The following TSPO variants were observed in gnomAD, a reference collection of about 807,000 sequenced individuals.
TSPO encodes the protein translocator protein, also known as benzodiazepine peripheral binding site.
TSPO carries 14 observed loss-of-function variants against 13.9 expected under a neutral mutation model. The ratio of observed to expected loss-of-function variants is 1.01; its 90% CI spans 0.67 to 1.58. TSPO has a LOEUF of 1.58. Ranked by LOEUF, TSPO falls within the 40% of genes most tolerant of loss-of-function variation. TSPO has a pLI of 0.00. For missense variants in TSPO, 232 were observed against 229.6 expected, an observed-to-expected ratio of 1.01 and a Z score of -0.07; for synonymous variants, 114 against 105.9, an observed-to-expected ratio of 1.08 and a Z score of -0.47.
intron 1 of TSPO, among the ~76,000 whole-genome samples, chr22:43,153,483 C>T (rs1444655863): frequency 1.2e-5 from 1 of 82,094 alleles, no homozygotes; most frequent in African/African-American, 3.8e-5. Context: ...TCCCGAGTAG[C>T]TGGGACTACA....
At chr22:43,157,327 G>T (rs779089811) in intron 1 of TSPO, among the ~76,000 whole-genome samples, 21 of 151,540 alleles carry the variant, frequency 1.4e-4, no homozygotes, top group Non-Finnish European at 1.6e-4. Context: ...AGGAGGGAGC[G>T]GGAGGGAGAA....
chr22:43,163,140 T>G lies in TSPO; in HGVS notation c.*149T>G. 6.8e-7 allele frequency: 1 copy of G among 1,470,392 alleles called. No homozygotes were observed. Among genetic ancestry groups the G allele is most frequent in the Non-Finnish European group, 9.0e-7 (1 of 1,112,678 alleles). 91.1% of individuals were successfully genotyped at this position (1,470,392 alleles called of 1,614,324 possible). On this transcript the variant is annotated 3_prime_UTR_variant, in exon 4 of 4. Transcript: ENST00000337554. ...GCAGAGCTTCAGAGGTGGCCCCACC[T>G]GAGCCCCCACCCGGGAGCAGTGTCC...
chr22:43,158,350 C>T (rs1317011877), intron 1 of TSPO, among the ~76,000 whole-genome samples: 1 of 152,246 alleles, frequency 6.6e-6, no homozygotes, highest in East Asian at 1.9e-4. Context: ...GGTCCTAGCC[C>T]TCGCCCCAGC....
In TSPO at chr22:43,163,132, G is replaced by GCCCCACCTGAGC. The variant is rs1569481270; in HGVS notation, c.*149_*160dup. ...AGGGGTCAGCAGAGCTTCAGAGGTG[G>GCCCCACCTGAGC]CCCCACCTGAGCCCCCACCCGGGAG... On this transcript the variant is annotated 3_prime_UTR_variant, in exon 4 of 4. Transcript: ENST00000337554. 6.8e-7 allele frequency: 1 copy of GCCCCACCTGAGC among 1,476,834 alleles called. No individual in the cohort carries two copies. The highest frequency in any genetic ancestry group is 1.4e-5 in the African/African-American group (1 of 71,382). 91.5% of individuals were successfully genotyped at this position (1,476,834 alleles called of 1,614,324 possible).
intron 1 of TSPO, among the ~76,000 whole-genome samples, chr22:43,158,699 T>C (rs1282367862): frequency 6.6e-6 from 1 of 152,134 alleles, no homozygotes; most frequent in Non-Finnish European, 1.5e-5. Flanking sequence ...GATATCCCAC[T>C]CTACCGAGGG....
chr22:43,154,011 G>A (rs1472006972), intron 1 of TSPO, among the ~76,000 whole-genome samples: 1 of 152,110 alleles, frequency 6.6e-6, no homozygotes, highest in African/African-American at 2.4e-5. Context: ...CGAAGGAAAG[G>A]GAAGTAGTCT....
At chr22:43,159,460 T>C in intron 2 of TSPO, 40 bp downstream of exon 2, 1 of 1,404,852 alleles carries the variant, frequency 7.1e-7, no homozygotes, top group Non-Finnish European at 9.3e-7. Context: ...AGCCTGGCCC[T>C]TTGCAAGGGG....
rs566547284 is a variant in TSPO at position 43,161,056 on chromosome 22, G to A, written c.187G>A (p.Gly63Ser). Residue 63 changes from glycine to serine, a missense_variant, in exon 3 of 4, where the codon GGC becomes AGC. Gly to Ser is a moderately conservative substitution (Grantham distance 56). Coordinates refer to ENST00000337554, the MANE Select transcript of TSPO (RefSeq NM_000714.6). Reference sequence around the variant, plus strand: ...GAACTGCGGCCTCTGTTTCAGGTACGGCTCCTACCTGGTCTGGAAAGAGCT... The same window carrying A: ...GAACTGCGGCCTCTGTTTCAGGTACAGCTCCTACCTGGTCTGGAAAGAGCT... ...WGTLYSAMGY[G>S]SYLVWKELGG... is the part of the protein sequence containing the mutation. The A allele has an allele frequency of 9.9e-6, 16 of 1,612,844 alleles. No individual in the cohort carries two copies. The highest frequency in any genetic ancestry group is 9.3e-5 in the African/African-American group (7 of 74,986).
Position 43,160,206 on chromosome 22 carries a change from T to G in TSPO, c.182+786T>G, listed in dbSNP as rs943414814. ...GCCCTGCCCAGCCAGGGTCCTGCACTTCCCTGGCTCCAGTGTCCCCACCCT... is the reference window on the plus strand; with the variant it reads ...GCCCTGCCCAGCCAGGGTCCTGCACGTCCCTGGCTCCAGTGTCCCCACCCT... On this transcript the variant is annotated intron_variant, in intron 2 of 3. Transcript: ENST00000337554. Among the ~76,000 whole-genome samples, 14 of 152,234 alleles carry G rather than the reference T, an allele frequency of 9.2e-5. No homozygotes were observed. The East Asian group carries it at 2.5e-3, about 27-fold the overall frequency.
At chr22:43,160,155 C>T (rs929230744) in intron 2 of TSPO, among the ~76,000 whole-genome samples, 2 of 152,170 alleles carry the variant, frequency 1.3e-5, no homozygotes, top group Admixed American at 6.5e-5. Context: ...TTGGGTGTCA[C>T]GTGGGCCTCA....
intron 3 of TSPO, among the ~76,000 whole-genome samples, chr22:43,162,368 C>T (rs1234098725): frequency 1.3e-5 from 2 of 151,906 alleles, no homozygotes; most frequent in East Asian, 1.9e-4. Context: ...GTGATCCACC[C>T]GTCTCAGCCT....
intron 1 of TSPO, among the ~76,000 whole-genome samples, chr22:43,154,337 CTTTTTTT>C (rs372982994): frequency 6.6e-6 from 1 of 150,946 alleles, no homozygotes; most frequent in Non-Finnish European, 1.5e-5. Context: ...GGGTCGCCTT[CTTTTTTT>C]TTGTTTGCTT....
intron 1 of TSPO, among the ~76,000 whole-genome samples, chr22:43,157,242 C>T (rs1254618367): frequency 2.0e-5 from 3 of 146,794 alleles, no homozygotes; most frequent in Non-Finnish European, 4.4e-5. Context: ...CCATCCCCAC[C>T]CCATGAGCAC....
chr22:43,159,193 CCT>C lies in TSPO; in HGVS notation c.-29-16_-29-15del, dbSNP rs1428830304. 2.0e-6 allele frequency: 3 copies of C among 1,479,422 alleles called. No homozygotes were observed. The highest frequency in any genetic ancestry group is 2.8e-5 in the African/African-American group (2 of 70,962). 91.6% of individuals were successfully genotyped at this position (1,479,422 alleles called of 1,614,324 possible). A position where few individuals can be genotyped will look rare whatever the true frequency, so the allele number is the denominator to read the frequency against. ...GGCCTCAGGAATGCCCTCACCCAGC[CCT>C]GTCTTCTCTTTCAGAGCTCCCCTGA... On this transcript the variant is annotated splice_polypyrimidine_tract_variant and intron_variant, in intron 1 of 3. Transcript: ENST00000337554.
In TSPO at chr22:43,162,789, C is replaced by A; in HGVS notation, c.322-14C>A. 1 of 1,550,428 alleles carries A rather than the reference C, an allele frequency of 6.4e-7. No individual in the cohort carries two copies. Among genetic ancestry groups the A allele is most frequent in the South Asian group, 1.2e-5 (1 of 82,606 alleles). ...CCTCAGGCCTCCCCATCCTCCGTCC[C>A]CCAATCTCTGCAGGCCTTGGTGGAT... is the stretch of plus-strand genomic sequence containing the variant. On this transcript the variant is annotated splice_polypyrimidine_tract_variant and intron_variant, in intron 3 of 3. Transcript: ENST00000337554.
intron 1 of TSPO, among the ~76,000 whole-genome samples, chr22:43,155,229 G>A (rs371784490): frequency 1.3e-4 from 20 of 152,314 alleles, no homozygotes; most frequent in African/African-American, 3.1e-4. Flanking sequence ...CATGGAGGCC[G>A]AGTGGGCCGT....
At chr22:43,160,886 C>G (rs529813568) in intron 2 of TSPO, among the ~76,000 whole-genome samples, 166 bp from the exon 3 acceptor site, 1 of 152,230 alleles carries the variant, frequency 6.6e-6, no homozygotes, top group Non-Finnish European at 1.5e-5. Flanking sequence ...AGAATCTCTA[C>G]AGCAACCCTA....
chr22:43,154,951 G>C (rs1272527602), intron 1 of TSPO, among the ~76,000 whole-genome samples: 1 of 152,072 alleles, frequency 6.6e-6, no homozygotes, highest in African/African-American at 2.4e-5. Context: ...AGAACCTTCT[G>C]GCACCGTTCA....
chr22:43,155,496 C>T (rs558527684), intron 1 of TSPO, among the ~76,000 whole-genome samples: 2 of 152,330 alleles, frequency 1.3e-5, no homozygotes, highest in African/African-American at 4.8e-5. Flanking sequence ...CAGGGGCTCT[C>T]GTGGCTGATA....
Sources: gnomAD v4.1 joint callset for allele counts (sites outside exome capture counted in the v4.1 genomes callset) on GRCh38, gnomAD v4.1.1 for gene constraint, MANE v1.5 for transcripts, NCBI Gene and HGNC (gene_info 2026-07-23, HGNC 2026-07-21) for gene names.